TGIF1: variants seen among roughly 807,000 people sequenced by gnomAD.
The protein encoded by TGIF1 is homeobox protein TGIF1.
In TGIF1, 4 loss-of-function variants were observed where a neutral mutation model predicts 19.3. The observed-to-expected ratio is 0.21, with a 90% CI of 0.10 to 0.47. The LOEUF is 0.47. Among genes scored for constraint, TGIF1 ranks in the 20% least tolerant of loss-of-function variants. The pLI is 0.98. For missense variants in TGIF1, 275 were observed against 341.4 expected, an observed-to-expected ratio of 0.81 and a Z score of 1.53; for synonymous variants, 122 against 129.3, an observed-to-expected ratio of 0.94 and a Z score of 0.38.
At chr18:3,435,093 A>G (rs1188371794) in intron 2 of TGIF1, among the ~76,000 whole-genome samples, 1 of 152,126 alleles carries the variant, frequency 6.6e-6, no homozygotes, top group Admixed American at 6.5e-5. Context: ...GGCACAGTCA[A>G]TCTTGTCTTA....
At chr18:3,414,965 A>G (rs1378419590) in intron 1 of TGIF1, among the ~76,000 whole-genome samples, 1 of 152,212 alleles carries the variant, frequency 6.6e-6, no homozygotes, top group Non-Finnish European at 1.5e-5. Context: ...TCTACACTAC[A>G]CTTCTAAATT....
upstream of TGIF1, chr18:3,448,708 C>CG (rs771184316): frequency 8.1e-6 from 2 of 246,204 alleles, no homozygotes; most frequent in Non-Finnish European, 1.1e-5. Flanking sequence ...ATTCTAGGGG[C>CG]GGGGGTGTCT....
At chr18:3,443,268 A>G (rs181296335) in intron 2 of TGIF1, among the ~76,000 whole-genome samples, 52 of 152,344 alleles carry the variant, frequency 3.4e-4, no homozygotes, top group Middle Eastern at 3.4e-3. Context: ...TTAAATGCTC[A>G]TTACTAAGAA....
chr18:3,456,074 A>G lies in TGIF1; in HGVS notation c.17-280A>G, dbSNP rs1364463564. 8.3e-6 allele frequency: 4 copies of G among 484,498 alleles called. No individual in the cohort carries two copies. The highest frequency in any genetic ancestry group is 1.5e-5 in the Non-Finnish European group (4 of 264,208). The allele number at this position is 484,498 out of a possible 1,614,324, so 30.0% of individuals were successfully genotyped here. On this transcript the variant is annotated intron_variant, in intron 1 of 2. Transcript: ENST00000343820. The surrounding 1 kb of genome is among the most constrained non-coding windows in gnomAD (Gnocchi z 4.2). Reference sequence around the variant, plus strand: ...GTCTCCTCCAATGATTAGACGAAAGAGTTTTCTGACCATCATTCAAAAGGA... The same window carrying G: ...GTCTCCTCCAATGATTAGACGAAAGGGTTTTCTGACCATCATTCAAAAGGA...
chr18:3,426,250 C>T lies in TGIF1; in HGVS notation c.-45+8035C>T, dbSNP rs892208897. On this transcript the variant is annotated intron_variant, in intron 2 of 3. Coordinates refer to the TGIF1 transcript ENST00000401449. ...GTGACACAATCTTGGCTCACTGCAA[C>T]GTCCTCCTCCTGGGCTCAAGTGATT... 2.0e-5 allele frequency among the ~76,000 whole-genome samples: 3 copies of T among 148,396 alleles called. No homozygotes were observed. The South Asian group carries it at 6.5e-4, about 32-fold the overall frequency.
At chr18:3,452,421 G>A (rs1381102329) in intron 1 of TGIF1, 1 of 1,612,730 alleles carries the variant, frequency 6.2e-7, no homozygotes. Flanking sequence ...CTGGTTCAGG[G>A]CTCTTTGGGG....
intron 2 of TGIF1, among the ~76,000 whole-genome samples, chr18:3,427,451 G>C (rs6506125): frequency 0.27 from 40,661 of 150,724 alleles, 6,621 homozygotes; most frequent in African/African-American, 0.46. Flanking sequence ...GCCACCACAC[G>C]TGGCTAATTT....
At position 3,456,083 on chromosome 18, in the gene TGIF1, A is replaced by G; in HGVS notation, c.17-271A>G. ...AATGATTAGACGAAAGAGTTTTCTG[A>G]CCATCATTCAAAAGGAATGTGAGAA... On this transcript the variant is annotated intron_variant, in intron 1 of 2. Transcript: ENST00000343820. This position sits in a 1 kb window ranked among gnomAD's most constrained non-coding sequence, Gnocchi z 4.2. The G allele has an allele frequency of 2.0e-6, 1 of 503,518 alleles. No homozygotes were observed. Among genetic ancestry groups the G allele is most frequent in the East Asian group, 3.7e-5 (1 of 27,210 alleles). The allele number at this position is 503,518 out of a possible 1,614,324, so 31.2% of individuals were successfully genotyped here.
chr18:3,412,344 A>T lies in TGIF1; in HGVS notation c.-118+90A>T, dbSNP rs1411115349. The T allele has an allele frequency of 2.0e-5, 3 of 152,158 alleles. No individual in the cohort carries two copies. The East Asian group carries it at 5.8e-4, about 29-fold the overall frequency. The allele number at this position is 152,158 out of a possible 1,614,324, so 9.4% of individuals were successfully genotyped here. On this transcript the variant is annotated intron_variant, in intron 1 of 3. Transcript: ENST00000401449. The stretch of plus-strand genomic sequence containing the variant: ...TATTTTACCTGAAAACATTTACTCA[A>T]CCAGGTAAAGATTTTCATTATTTTC...
chr18:3,424,020 C>G (rs1054519988), intron 2 of TGIF1, among the ~76,000 whole-genome samples: 1 of 152,134 alleles, frequency 6.6e-6, no homozygotes, highest in African/African-American at 2.4e-5. Flanking sequence ...AACATTGTGG[C>G]GCTTCCGCAG....
At chr18:3,434,089 C>A (rs2082585328) in intron 2 of TGIF1, among the ~76,000 whole-genome samples, 1 of 152,132 alleles carries the variant, frequency 6.6e-6, no homozygotes, top group South Asian at 2.1e-4. Context: ...AGAAACAGCC[C>A]ATTTAAATAA....
upstream of TGIF1, among the ~76,000 whole-genome samples, chr18:3,447,161 A>C (rs2082758746): frequency 6.6e-6 from 1 of 152,158 alleles, no homozygotes; most frequent in Non-Finnish European, 1.5e-5. Context: ...TTCAGAAGAT[A>C]AGACGCCAAA....
rs1048787604 is a variant in TGIF1 at position 3,450,386 on chromosome 18, A to G, written c.-104A>G. On this transcript the variant is annotated 5_prime_UTR_variant, in exon 1 of 3. Transcript: ENST00000343820. ...ACGGCTGGAGCACGTCCTACAAGTT[A>G]CGGGAGAGTCGGCTGTGAAGGAGAC... 2.6e-6 allele frequency: 4 copies of G among 1,543,614 alleles called. No individual in the cohort carries two copies. The Admixed American group carries it at 6.0e-5, about 23-fold the overall frequency.
At chr18:3,428,519 T>C (rs2082503332) in intron 2 of TGIF1, among the ~76,000 whole-genome samples, 1 of 151,606 alleles carries the variant, frequency 6.6e-6, no homozygotes, top group South Asian at 2.1e-4. Flanking sequence ...GGGCAGATCA[T>C]GAGGTCGGGA....
At position 3,456,272 on chromosome 18, in the gene TGIF1, T is replaced by C; in HGVS notation, c.17-82T>C. 1.6e-6 allele frequency: 2 copies of C among 1,287,750 alleles called. No individual in the cohort carries two copies. Among genetic ancestry groups the C allele is most frequent in the South Asian group, 1.2e-5 (1 of 83,992 alleles). 79.8% of individuals were successfully genotyped at this position (1,287,750 alleles called of 1,614,324 possible). Reference sequence around the variant, plus strand: ...CAGTTGTTGGGAAAGCATGGTTACATTGAATGGTCAGCGTTAAGTGAGCTT... The same window carrying C: ...CAGTTGTTGGGAAAGCATGGTTACACTGAATGGTCAGCGTTAAGTGAGCTT... On this transcript the variant is annotated intron_variant, in intron 1 of 2. Transcript: ENST00000343820. The surrounding 1 kb of genome is among the most constrained non-coding windows in gnomAD (Gnocchi z 4.2).
chr18:3,448,900 C>T (rs1160129991), upstream of TGIF1, among the ~76,000 whole-genome samples: 1 of 151,976 alleles, frequency 6.6e-6, no homozygotes, highest in Non-Finnish European at 1.5e-5. Flanking sequence ...CAGCACAGAG[C>T]CCAGACTGGA....
At chr18:3,447,262 C>T (rs1206042740), upstream of TGIF1, among the ~76,000 whole-genome samples, 1 of 151,598 alleles carries the variant, frequency 6.6e-6, no homozygotes, top group African/African-American at 2.4e-5. Flanking sequence ...CTCAATTTTA[C>T]TCAAGCAATT....
chr18:3,450,614 T>C, intron 1 of TGIF1, 109 bp downstream of exon 1: 2 of 1,542,736 alleles, frequency 1.3e-6, no homozygotes, highest in Non-Finnish European at 1.7e-6. Flanking sequence ...CCAGGGGCTC[T>C]CATGCTGGAG....
upstream of TGIF1, among the ~76,000 whole-genome samples, chr18:3,448,948 G>A (rs76866847): frequency 5.3e-3 from 808 of 152,118 alleles, 3 homozygotes; most frequent in Admixed American, 7.4e-3. Context: ...GCTTATTTAC[G>A]TTTAGGGCTT....
Sources: gnomAD v4.1 joint callset for allele counts (sites outside exome capture counted in the v4.1 genomes callset) on GRCh38, gnomAD v4.1.1 for gene constraint, Gnocchi (gnomAD v3.1) non-coding constraint, MANE v1.5 for transcripts, NCBI Gene and HGNC (gene_info 2026-07-23, HGNC 2026-07-21) for gene names.